DCHS2: variants seen among roughly 807,000 people sequenced by gnomAD.
DCHS2 encodes the protein protocadherin-23.
In DCHS2, 142 loss-of-function variants were observed where a neutral mutation model predicts 182.4. That is an observed-to-expected ratio of 0.78 (90% CI 0.68 to 0.89). The LOEUF is 0.89. DCHS2 is among the 40% of genes least tolerant of loss of function. The pLI is 0.00. For missense variants in DCHS2, 4,319 were observed against 4,198.6 expected (o/e 1.03, Z -0.79); for synonymous variants, 1,740 against 1,663.3 (o/e 1.05, Z -1.12).
At chr4:154,483,554 G>A (rs1736001688) in intron 1 of DCHS2, among the ~76,000 whole-genome samples, 1 of 152,162 alleles carries the variant, frequency 6.6e-6, no homozygotes, top group Non-Finnish European at 1.5e-5. Flanking sequence ...GGCTTTCATT[G>A]TCTTCACTGC....
intron 2 of DCHS2, among the ~76,000 whole-genome samples, chr4:154,372,521 A>G (rs1730689811): frequency 2.0e-5 from 3 of 152,216 alleles, no homozygotes; most frequent in African/African-American, 7.2e-5. Context: ...AAATAGCTTT[A>G]TCTCAAACAC....
rs1728729488 is a variant in DCHS2 at position 154,489,822 on chromosome 4, T to C, written c.1534A>G (p.Thr512Ala). The change falls in exon 1 of 20, where the codon ACG becomes GCG. Residue 512 changes from threonine to alanine, a missense_variant. Thr to Ala is a moderately conservative substitution (Grantham distance 58). Transcript: ENST00000357232. ...RDLYELLLVA[T>A]DAGSPPLSTE... The stretch of plus-strand genomic sequence containing the variant: ...CTCAGCGGCGGGGACCCCGCGTCCG[T>C]GGCCACCAGTAGTAACTCATACAGA... 3 of 1,551,270 alleles carry C rather than the reference T, an allele frequency of 1.9e-6. No homozygotes were observed. Among genetic ancestry groups the C allele is most frequent in the African/African-American group, 1.4e-5 (1 of 73,028 alleles).
At chr4:154,426,384 T>C (rs558678361) in intron 1 of DCHS2, among the ~76,000 whole-genome samples, 1 of 152,324 alleles carries the variant, frequency 6.6e-6, no homozygotes, top group South Asian at 2.1e-4. Context: ...TAAAGTCACC[T>C]GTTTTCTCAC....
Position 154,320,773 on chromosome 4 carries a change from C to T in DCHS2, c.4626G>A (p.Leu1542=). 1 of 1,614,006 alleles carries T rather than the reference C, an allele frequency of 6.2e-7. No homozygotes were observed. The highest frequency in any genetic ancestry group is 8.5e-7 in the Non-Finnish European group (1 of 1,179,988). Residue 1542 remains leucine (L), a synonymous_variant, in exon 9 of 20, where the codon TTG becomes TTA. Coordinates refer to ENST00000357232, the MANE Select transcript of DCHS2 (RefSeq NM_001358235.2). The part of the protein sequence containing the change: ...FNAKDDDGSF[L]NSRIQYYIES... ...CAATGTAGTATTGTATTCTACTGTT[C>T]AAAAAACTGCCGTCATCATCTTTGG...
intron 17 of DCHS2, among the ~76,000 whole-genome samples, chr4:154,241,826 T>C (rs532135202): frequency 6.6e-6 from 1 of 152,312 alleles, no homozygotes; most frequent in South Asian, 2.1e-4. Context: ...ATTTATTTTA[T>C]TTGTAGGTTG....
intron 12 of DCHS2, among the ~76,000 whole-genome samples, chr4:154,301,765 A>T (rs1735201306): frequency 6.6e-6 from 1 of 152,164 alleles, no homozygotes; most frequent in East Asian, 1.9e-4. Flanking sequence ...GGCATCCCAA[A>T]GTGGTGGGAT....
chr4:154,336,911 C>T (rs1728838857), intron 3 of DCHS2, among the ~76,000 whole-genome samples: 1 of 152,064 alleles, frequency 6.6e-6, no homozygotes, highest in East Asian at 1.9e-4. Flanking sequence ...TTTTGATAAC[C>T]AAAGTGAACA....
rs1276621919 is a variant in DCHS2, at chr4:154,321,060, C to A, written c.4339G>T (p.Asp1447Tyr). 4.3e-6 allele frequency: 7 copies of A among 1,611,102 alleles called. No individual in the cohort carries two copies. The Admixed American group carries it at 6.7e-5, about 15-fold the overall frequency. The change falls in exon 9 of 20, where the codon GAT becomes TAT. Residue 1447 changes from aspartate (D) to tyrosine (Y), a missense_variant. Physicochemically the swap from Asp to Tyr is radical, Grantham distance 160. Coordinates refer to ENST00000357232, the MANE Select transcript of DCHS2 (RefSeq NM_001358235.2). ...TCTATTTCAAAGTGTCCATCCTTATCATCTGCAACAATACTAAAATGTAAC... is the reference window on the plus strand; with the variant it reads ...TCTATTTCAAAGTGTCCATCCTTATAATCTGCAACAATACTAAAATGTAAC... Reference protein sequence around the residue: ...GKLHFSIVADDKDGHFEIDSS... With the variant: ...GKLHFSIVADYKDGHFEIDSS...
intron 16 of DCHS2, among the ~76,000 whole-genome samples, chr4:154,253,221 G>C (rs1732474161): frequency 6.6e-6 from 1 of 151,972 alleles, no homozygotes; most frequent in Non-Finnish European, 1.5e-5. Flanking sequence ...TGTTACCTGT[G>C]TGTATCTCTC....
In DCHS2 at chr4:154,333,224, C is replaced by T. The variant is rs759047234; in HGVS notation, c.2984G>A (p.Gly995Asp). 1.2e-6 allele frequency: 2 copies of T among 1,614,166 alleles called. No homozygotes were observed. Among genetic ancestry groups the T allele is most frequent in the South Asian group, 2.2e-5 (2 of 91,084 alleles). The change falls in exon 5 of 20, where the codon GGC (glycine) becomes GAC (aspartate). Residue 995 changes from glycine to aspartate, a missense_variant. Physicochemically the swap from Gly to Asp is moderately conservative, Grantham distance 94. Transcript: ENST00000357232. ...EIRISQTTPPGTALYLARAED... is the reference protein window; with the variant it reads ...EIRISQTTPPDTALYLARAED... ...CGCACGTGCGAGGTACAAGGCTGTGCCAGGGGGCGTGGTCTGGGATATTCT... is the reference window on the plus strand; with the variant it reads ...CGCACGTGCGAGGTACAAGGCTGTGTCAGGGGGCGTGGTCTGGGATATTCT...
intron 14 of DCHS2, among the ~76,000 whole-genome samples, chr4:154,264,252 A>G (rs950129837): frequency 6.6e-6 from 1 of 152,212 alleles, no homozygotes; most frequent in African/African-American, 2.4e-5. Flanking sequence ...GCAAGGCACC[A>G]TAAATGACAG....
chr4:154,331,266 G>A (rs1346894758), intron 5 of DCHS2, among the ~76,000 whole-genome samples: 1 of 152,152 alleles, frequency 6.6e-6, no homozygotes, highest in Non-Finnish European at 1.5e-5. Flanking sequence ...AAGCAGCTCT[G>A]AGCTTAAGCT....
intron 1 of DCHS2, among the ~76,000 whole-genome samples, chr4:154,426,788 A>AAAAATAAAAATC (rs1277910880): frequency 6.6e-6 from 1 of 151,740 alleles, no homozygotes; most frequent in African/African-American, 2.4e-5. Context: ...AAATAAACTT[A>AAAAATAAAAATC]AAAATAAAAT....
At chr4:154,286,031 G>T (rs1734378621) in intron 13 of DCHS2, among the ~76,000 whole-genome samples, 3 of 152,202 alleles carry the variant, frequency 2.0e-5, no homozygotes, top group Admixed American at 6.5e-5. Flanking sequence ...CAGAGCAAAA[G>T]AATTTGTTTG....
chr4:154,398,854 A>T lies in DCHS2; in HGVS notation c.2053-21410T>A, dbSNP rs527706200. 4.6e-5 allele frequency among the ~76,000 whole-genome samples: 7 copies of T among 152,324 alleles called. No individual in the cohort carries two copies. In the East Asian group the frequency reaches 1.4e-3, roughly 29 times the overall value. Reference sequence around the variant, plus strand: ...AAAAACTCACTAAGTTATTCTACTAAATAGAGGATTACAGGTCTATATCCC... The same window carrying T: ...AAAAACTCACTAAGTTATTCTACTATATAGAGGATTACAGGTCTATATCCC... On this transcript the variant is annotated intron_variant, in intron 1 of 19. Coordinates refer to ENST00000357232, the MANE Select transcript of DCHS2 (RefSeq NM_001358235.2).
At chr4:154,397,321 T>A (rs1461608595) in intron 1 of DCHS2, among the ~76,000 whole-genome samples, 4 of 152,186 alleles carry the variant, frequency 2.6e-5, no homozygotes, top group Admixed American at 2.0e-4. Flanking sequence ...TTTCTCTATT[T>A]CTTTTCTTAA....
At chr4:154,304,520 C>A in intron 12 of DCHS2, 149 bp downstream of exon 12, 1 of 595,782 alleles carries the variant, frequency 1.7e-6, no homozygotes, top group Non-Finnish European at 2.9e-6. Context: ...AAATACTTAC[C>A]AATTTGGGAG....
intron 1 of DCHS2, among the ~76,000 whole-genome samples, chr4:154,468,539 T>C (rs893612305): frequency 2.0e-5 from 3 of 152,252 alleles, no homozygotes; most frequent in Middle Eastern, 3.4e-3. Context: ...TAGAATTTCA[T>C]TTGCTCTAAA....
chr4:154,321,797 G>A (rs1311574196), intron 8 of DCHS2, among the ~76,000 whole-genome samples: 1 of 152,100 alleles, frequency 6.6e-6, no homozygotes, highest in East Asian at 1.9e-4. Flanking sequence ...CACACACAAA[G>A]AAACTATGCA....
Sources: gnomAD v4.1 joint callset for allele counts (sites outside exome capture counted in the v4.1 genomes callset) on GRCh38, gnomAD v4.1.1 for gene constraint, MANE v1.5 for transcripts, NCBI Gene and HGNC (gene_info 2026-07-23, HGNC 2026-07-21) for gene names.